The following HPCA variants were observed in gnomAD, a reference collection of about 807,000 sequenced individuals.
The protein encoded by HPCA is hippocalcin.
In HPCA, 4 loss-of-function variants were observed where a neutral mutation model predicts 18.2. That is an observed-to-expected ratio of 0.22 (90% confidence interval 0.11 to 0.50). HPCA has a LOEUF of 0.50. HPCA is among the 20% of genes least tolerant of loss of function. The pLI is 0.97. For missense variants in HPCA, 161 were observed against 265.8 expected (o/e 0.61, Z 2.74); for synonymous variants, 93 against 103.5 (o/e 0.90, Z 0.61).
chr1:32,894,562 C>T lies in HPCA; in HGVS notation c.*700C>T. The T allele has an allele frequency of 2.0e-6, 1 of 504,596 alleles. No individual in the cohort carries two copies. The highest frequency in any genetic ancestry group is 3.5e-6 in the Non-Finnish European group (1 of 287,134). 31.3% of individuals were successfully genotyped at this position (504,596 alleles called of 1,614,324 possible). Reference sequence around the variant, plus strand: ...CTGAGCCCCTGTCCTCCCCTCTGTCCCCCCAACCGCCCCCCCTGCATGCAG... The same window carrying T: ...CTGAGCCCCTGTCCTCCCCTCTGTCTCCCCAACCGCCCCCCCTGCATGCAG... On this transcript the variant is annotated 3_prime_UTR_variant, in exon 4 of 4. Transcript: ENST00000373467.
chr1:32,893,827 C>T lies in HPCA; in HGVS notation c.547C>T (p.Leu183=), dbSNP rs771655595. 6.3e-7 allele frequency: 1 copy of T among 1,579,152 alleles called. No homozygotes were observed. Among genetic ancestry groups the T allele is most frequent in the East Asian group, 2.4e-5 (1 of 42,464 alleles). Residue 183 remains leucine, a synonymous_variant, in exon 4 of 4, where the codon CTG becomes TTG. Transcript: ENST00000373467. The surrounding 1 kb of genome is among the most constrained non-coding windows in gnomAD (Gnocchi z 7.5). ...AKSDPSIVRL[L]QCDPSSASQF is the part of the protein sequence containing the mutation. ...AAGCGACCCGTCCATCGTGCGTCTG[C>T]TGCAGTGCGACCCCAGCAGCGCCTC...
rs1641522942 is a variant in HPCA, at chr1:32,894,085, G to C, written c.*223G>C. 2 of 546,292 alleles carry C rather than the reference G, an allele frequency of 3.7e-6. No homozygotes were observed. Among genetic ancestry groups the C allele is most frequent in the South Asian group, 4.9e-5 (2 of 40,764 alleles). The allele number at this position is 546,292 out of a possible 1,614,324, so 33.8% of individuals were successfully genotyped here. ...TCCCAGAGGCAACAATAGAGACACA[G>C]GCTGGGTTGGTCTGCCCCTCAGTCA... On this transcript the variant is annotated 3_prime_UTR_variant, in exon 4 of 4. Coordinates refer to ENST00000373467, the MANE Select transcript of HPCA (RefSeq NM_002143.3).
chr1:32,894,197 G>T lies in HPCA; in HGVS notation c.*335G>T, dbSNP rs960793442. On this transcript the variant is annotated 3_prime_UTR_variant, in exon 4 of 4. Transcript: ENST00000373467. ...TCTTGCAGGTCTCAGCTTGCGGGGT[G>T]GGGGGAGTCATGCCCAGGGGAGGAG... 6 of 318,630 alleles carry T rather than the reference G, an allele frequency of 1.9e-5. No homozygotes were observed. The highest frequency in any genetic ancestry group is 2.9e-5 in the Non-Finnish European group (5 of 171,710). 19.7% of individuals were successfully genotyped at this position (318,630 alleles called of 1,614,324 possible).
At position 32,893,493 on chromosome 1, in the gene HPCA, T is replaced by C. The variant is rs375169113; in HGVS notation, c.379-31T>C. 1.0e-5 allele frequency: 15 copies of C among 1,501,152 alleles called. No individual in the cohort carries two copies. Among genetic ancestry groups the C allele is most frequent in the African/African-American group, 8.3e-5 (6 of 72,650 alleles). The allele number at this position is 1,501,152 out of a possible 1,614,324, so 93.0% of individuals were successfully genotyped here. A position where few individuals can be genotyped will look rare whatever the true frequency, so the allele number is the denominator to read the frequency against. On this transcript the variant is annotated intron_variant, in intron 2 of 3. Transcript: ENST00000373467. This position sits in a 1 kb window ranked among gnomAD's most constrained non-coding sequence, Gnocchi z 7.5. Reference sequence around the variant, plus strand: ...GCGGGTGGGGGCTCGGGCAGGCTCCTCTCACTCCCCGCCTCCCCTCCCGCC... The same window carrying C: ...GCGGGTGGGGGCTCGGGCAGGCTCCCCTCACTCCCCGCCTCCCCTCCCGCC...
chr1:32,893,494 C>G lies in HPCA; in HGVS notation c.379-30C>G. ...CGGGTGGGGGCTCGGGCAGGCTCCT[C>G]TCACTCCCCGCCTCCCCTCCCGCCC... On this transcript the variant is annotated intron_variant, in intron 2 of 3. Coordinates refer to ENST00000373467, the MANE Select transcript of HPCA (RefSeq NM_002143.3). The surrounding 1 kb of genome is among the most constrained non-coding windows in gnomAD (Gnocchi z 7.5). 6.6e-7 allele frequency: 1 copy of G among 1,510,328 alleles called. No homozygotes were observed. Among genetic ancestry groups the G allele is most frequent in the Non-Finnish European group, 9.2e-7 (1 of 1,088,128 alleles). 93.6% of individuals were successfully genotyped at this position (1,510,328 alleles called of 1,614,324 possible). A position where few individuals can be genotyped will look rare whatever the true frequency, so the allele number is the denominator to read the frequency against.
chr1:32,888,772 C>G (rs1570016969), intron 1 of HPCA, 106 bp from the exon 2 acceptor site: 1 of 1,087,248 alleles, frequency 9.2e-7, no homozygotes, highest in Non-Finnish European at 1.3e-6. Context: ...CTGGGCCAAA[C>G]AAGAGGCAGG....
Position 32,893,855 on chromosome 1 carries a change from A to G in HPCA, c.575A>G (p.Gln192Arg). Residue 192 changes from glutamine to arginine, a missense_variant, in exon 4 of 4, where the codon CAG becomes CGG. Physicochemically the swap from Gln to Arg is conservative, Grantham distance 43 (BLOSUM62 1). Transcript: ENST00000373467. The surrounding 1 kb of genome is among the most constrained non-coding windows in gnomAD (Gnocchi z 7.5). ...CAGTGCGACCCCAGCAGCGCCTCCCAGTTCTGAGAGGAGCCAGGTTCCCCT... is the reference window on the plus strand; with the variant it reads ...CAGTGCGACCCCAGCAGCGCCTCCCGGTTCTGAGAGGAGCCAGGTTCCCCT... Reference protein sequence around the residue: ...LLQCDPSSASQF With the variant: ...LLQCDPSSASRF The G allele has an allele frequency of 6.4e-7, 1 of 1,566,156 alleles. No homozygotes were observed. The highest frequency in any genetic ancestry group is 1.4e-5 in the African/African-American group (1 of 73,518).
At position 32,894,176 on chromosome 1, in the gene HPCA, G is replaced by A. The variant is rs1641526429; in HGVS notation, c.*314G>A. ...CCCCCAAAGGGGCAGTCCCCTTCTTGCAGGTCTCAGCTTGCGGGGTGGGGG... is the reference window on the plus strand; with the variant it reads ...CCCCCAAAGGGGCAGTCCCCTTCTTACAGGTCTCAGCTTGCGGGGTGGGGG... On this transcript the variant is annotated 3_prime_UTR_variant, in exon 4 of 4. Transcript: ENST00000373467. The A allele has an allele frequency of 5.6e-6, 2 of 355,572 alleles. No homozygotes were observed. The highest frequency in any genetic ancestry group is 5.1e-6 in the Non-Finnish European group (1 of 194,592). The allele number at this position is 355,572 out of a possible 1,614,324, so 22.0% of individuals were successfully genotyped here. A position where few individuals can be genotyped will look rare whatever the true frequency, so the allele number is the denominator to read the frequency against.
rs1641419517 is a variant in HPCA at position 32,889,296 on chromosome 1, A to C, written c.378+20A>C. 6.3e-7 allele frequency: 1 copy of C among 1,597,246 alleles called. No homozygotes were observed. The highest frequency in any genetic ancestry group is 1.1e-5 in the South Asian group (1 of 88,812). On this transcript the variant is annotated intron_variant, in intron 2 of 3. Transcript: ENST00000373467. The surrounding 1 kb of genome is among the most constrained non-coding windows in gnomAD (Gnocchi z 4.6). Reference sequence around the variant, plus strand: ...GTGCAGGTGGGCCCCTGGGCCCCTCAGAATGCCAGGCACAGGGCCCGGCAG... The same window carrying C: ...GTGCAGGTGGGCCCCTGGGCCCCTCCGAATGCCAGGCACAGGGCCCGGCAG...
Position 32,894,054 on chromosome 1 carries a change from C to A in HPCA, c.*192C>A, listed in dbSNP as rs1017461940. On this transcript the variant is annotated 3_prime_UTR_variant, in exon 4 of 4. Coordinates refer to ENST00000373467, the MANE Select transcript of HPCA (RefSeq NM_002143.3). ...CCAAAGCAAGTAAGCGGTTAGCACCCCCCAATCCCAGAGGCAACAATAGAG... is the reference window on the plus strand; with the variant it reads ...CCAAAGCAAGTAAGCGGTTAGCACCACCCAATCCCAGAGGCAACAATAGAG... 1.5e-5 allele frequency: 9 copies of A among 584,220 alleles called. No homozygotes were observed. Among genetic ancestry groups the A allele is most frequent in the Non-Finnish European group, 2.1e-5 (7 of 327,560 alleles). The allele number at this position is 584,220 out of a possible 1,614,324, so 36.2% of individuals were successfully genotyped here.
Position 32,886,511 on chromosome 1 carries a change from G to C in HPCA, c.-26G>C, listed in dbSNP as rs1291767236. 6.6e-6 allele frequency: 1 copy of C among 152,256 alleles called. No individual in the cohort carries two copies. Among genetic ancestry groups the C allele is most frequent in the Non-Finnish European group, 1.5e-5 (1 of 68,096 alleles). 9.4% of individuals were successfully genotyped at this position (152,256 alleles called of 1,614,324 possible). Reference sequence around the variant, plus strand: ...CCTGCGCAGTCGGTGTCTCCGCGTCGCTGGGTGAGTGGGGGCAGCTCCAGC... The same window carrying C: ...CCTGCGCAGTCGGTGTCTCCGCGTCCCTGGGTGAGTGGGGGCAGCTCCAGC... On this transcript the variant is annotated 5_prime_UTR_variant, in exon 1 of 4. Transcript: ENST00000373467. The surrounding 1 kb of genome is among the most constrained non-coding windows in gnomAD (Gnocchi z 7.0).
rs1469274897 is a variant in HPCA at position 32,894,244 on chromosome 1, G to A, written c.*382G>A. ...GGAGACTTTTTATCTGGAGGGGAGA[G>A]AAGGATTCTAGGGGTGTGGAGTTGG... On this transcript the variant is annotated 3_prime_UTR_variant, in exon 4 of 4. Coordinates refer to ENST00000373467, the MANE Select transcript of HPCA (RefSeq NM_002143.3). 4.3e-6 allele frequency: 1 copy of A among 230,894 alleles called. No individual in the cohort carries two copies. Among genetic ancestry groups the A allele is most frequent in the Non-Finnish European group, 8.5e-6 (1 of 117,148 alleles). The allele number at this position is 230,894 out of a possible 1,614,324, so 14.3% of individuals were successfully genotyped here. A position where few individuals can be genotyped will look rare whatever the true frequency, so the allele number is the denominator to read the frequency against.
rs1247613625 is a variant in HPCA at position 32,886,956 on chromosome 1, C to T, written c.-22+441C>T. On this transcript the variant is annotated intron_variant, in intron 1 of 3. Coordinates refer to ENST00000373467, the MANE Select transcript of HPCA (RefSeq NM_002143.3). This position sits in a 1 kb window ranked among gnomAD's most constrained non-coding sequence, Gnocchi z 7.0. Reference sequence around the variant, plus strand: ...GGGGCAACTCCGAGGGTGGCAGGGCCCAGGGGGCACTGGAGGAGCTCTCTT... The same window carrying T: ...GGGGCAACTCCGAGGGTGGCAGGGCTCAGGGGGCACTGGAGGAGCTCTCTT... 2.0e-5 allele frequency among the ~76,000 whole-genome samples: 3 copies of T among 152,174 alleles called. No homozygotes were observed. Among genetic ancestry groups the T allele is most frequent in the Non-Finnish European group, 1.5e-5 (1 of 68,016 alleles).
chr1:32,889,237 C>T lies in HPCA; in HGVS notation c.339C>T (p.Asn113=), dbSNP rs575651333. The change falls in exon 2 of 4, where the codon AAC becomes AAT. Residue 113 remains asparagine (N), a synonymous_variant. Transcript: ENST00000373467. This position sits in a 1 kb window ranked among gnomAD's most constrained non-coding sequence, Gnocchi z 4.6. ...TCAGCATGTATGACCTGGACGGCAA[C>T]GGCTACATCAGCCGGGAGGAGATGC... ...WAFSMYDLDG[N]GYISREEMLE... The T allele has an allele frequency of 1.5e-5, 25 of 1,614,024 alleles. No individual in the cohort carries two copies. The highest frequency in any genetic ancestry group is 1.1e-4 in the African/African-American group (8 of 75,046).
intron 2 of HPCA, among the ~76,000 whole-genome samples, chr1:32,890,005 G>C (rs1641428665): frequency 6.6e-6 from 1 of 152,208 alleles, no homozygotes; most frequent in Non-Finnish European, 1.5e-5. Context: ...ATTCCATCTG[G>C]ATACCCAGCC....
Position 32,893,852 on chromosome 1 carries a change from C to G in HPCA, c.572C>G (p.Ser191Cys), listed in dbSNP as rs1438439715. Residue 191 changes from serine to cysteine, a missense_variant, in exon 4 of 4, where the codon TCC becomes TGC. Transcript: ENST00000373467. The surrounding 1 kb of genome is among the most constrained non-coding windows in gnomAD (Gnocchi z 7.5). ...CTGCAGTGCGACCCCAGCAGCGCCT[C>G]CCAGTTCTGAGAGGAGCCAGGTTCC... ...RLLQCDPSSA[S>C]QF The G allele has an allele frequency of 5.7e-6, 9 of 1,568,568 alleles. No individual in the cohort carries two copies. Among genetic ancestry groups the G allele is most frequent in the Non-Finnish European group, 6.9e-6 (8 of 1,157,356 alleles).
At chr1:32,888,112 T>G (rs1188077633) in intron 1 of HPCA, among the ~76,000 whole-genome samples, 1 of 152,230 alleles carries the variant, frequency 6.6e-6, no homozygotes, top group Non-Finnish European at 1.5e-5. Context: ...TGGTTCTAAG[T>G]GCTTCACACA....
intron 1 of HPCA, among the ~76,000 whole-genome samples, chr1:32,888,009 T>C (rs148803467): frequency 1.3e-5 from 2 of 152,270 alleles, no homozygotes; most frequent in East Asian, 3.9e-4. Context: ...ATACATTCAT[T>C]TGCACAGTTT....
At position 32,889,056 on chromosome 1, in the gene HPCA, C is replaced by A; in HGVS notation, c.158C>A (p.Ala53Asp). Residue 53 changes from alanine to aspartate, a missense_variant, in exon 2 of 4, where the codon GCC becomes GAC. Ala to Asp is a moderately radical substitution (Grantham distance 126, BLOSUM62 -2). Transcript: ENST00000373467. This position sits in a 1 kb window ranked among gnomAD's most constrained non-coding sequence, Gnocchi z 4.6. ...LNVDEFKKIY[A>D]NFFPYGDASK... ...GTGGATGAGTTCAAGAAGATCTACG[C>A]CAACTTCTTTCCCTATGGTGACGCC... The A allele has an allele frequency of 6.2e-7, 1 of 1,614,230 alleles. No individual in the cohort carries two copies.
Sources: allele counts gnomAD v4.1 joint callset (sites outside exome capture counted in the v4.1 genomes callset), GRCh38; gene constraint gnomAD v4.1.1; non-coding constraint Gnocchi (gnomAD v3.1); transcripts MANE v1.5; gene names NCBI Gene and HGNC (gene_info 2026-07-23, HGNC 2026-07-21).